The following FHIT variants were observed in gnomAD, a reference collection of about 807,000 sequenced individuals.
FHIT encodes the protein fragile histidine triad diadenosine triphosphatase.
Under a neutral mutation model 17.9 loss-of-function variants are expected in FHIT, and 19 were observed. The ratio of observed to expected loss-of-function variants is 1.06; its 90% CI spans 0.74 to 1.56. The LOEUF is 1.56. Among genes scored for constraint, FHIT ranks in the 40% most tolerant of loss-of-function variants. The probability of loss-of-function intolerance (pLI) is 0.00; values close to 1 mark genes in which losing one functional copy is unlikely to be tolerated. For missense variants in FHIT, 248 were observed against 189.2 expected, an observed-to-expected ratio of 1.31 and a Z score of -1.82; for synonymous variants, 81 against 69.7, an observed-to-expected ratio of 1.16 and a Z score of -0.81.
intron 5 of FHIT, among the ~76,000 whole-genome samples, chr3:60,350,648 A>T (rs1711038873): frequency 6.6e-6 from 1 of 152,086 alleles, no homozygotes; most frequent in Non-Finnish European, 1.5e-5. Flanking sequence ...TTCCACCAAC[A>T]GTGCTACTTA....
At chr3:60,196,633 AC>A (rs1702652363) in intron 5 of FHIT, among the ~76,000 whole-genome samples, 1 of 152,078 alleles carries the variant, frequency 6.6e-6, no homozygotes, top group Non-Finnish European at 1.5e-5. Context: ...TAGGGACCAC[AC>A]ACCCGCCCTA....
intron 5 of FHIT, among the ~76,000 whole-genome samples, chr3:60,439,891 T>C (rs1350994473): frequency 6.6e-6 from 1 of 152,074 alleles, no homozygotes; most frequent in Non-Finnish European, 1.5e-5. Context: ...GAGATGCACA[T>C]GCCAGTCTAA....
intron 3 of FHIT, among the ~76,000 whole-genome samples, chr3:60,996,519 A>G (rs916335894): frequency 3.3e-5 from 5 of 152,164 alleles, no homozygotes; most frequent in African/African-American, 1.2e-4. Flanking sequence ...TATTGCTTCT[A>G]TTTGATTGTT....
chr3:60,824,704 C>G (rs1177926199), intron 3 of FHIT, among the ~76,000 whole-genome samples: 1 of 152,054 alleles, frequency 6.6e-6, no homozygotes, highest in Non-Finnish European at 1.5e-5. Flanking sequence ...GGGGGTGGGT[C>G]TCTCCCATGC....
intron 5 of FHIT, among the ~76,000 whole-genome samples, chr3:60,261,217 T>C (rs1436787646): frequency 6.6e-6 from 1 of 152,116 alleles, no homozygotes; most frequent in Non-Finnish European, 1.5e-5. Context: ...CTCTTTGGAC[T>C]CACTCTGAAT....
In FHIT at chr3:60,982,545, G is replaced by A. The variant is rs906339740; in HGVS notation, c.-111+59502C>T. Among the ~76,000 whole-genome samples the A allele has an allele frequency of 2.0e-5, 3 of 151,976 alleles. No homozygotes were observed. In the East Asian group the frequency reaches 5.8e-4, roughly 29 times the overall value. On this transcript the variant is annotated intron_variant, in intron 3 of 9. Transcript: ENST00000492590. The stretch of plus-strand genomic sequence containing the variant: ...TTCGAACACATCTTTTCCACTTCAG[G>A]GCCTTCCATTTGTTGTCCTTTCTGC...
Position 61,213,437 on chromosome 3 carries a change from A to C in FHIT, c.-212-12772T>G, listed in dbSNP as rs1201328638. ...CCATTACGTAATGGTAAAGGGATCA[A>C]TTCAACAAGTAGAGCTAACTATCCT... On this transcript the variant is annotated intron_variant, in intron 1 of 9. Transcript: ENST00000492590. Among the ~76,000 whole-genome samples, 3 of 152,254 alleles carry C rather than the reference A, an allele frequency of 2.0e-5. No individual in the cohort carries two copies. The East Asian group carries it at 5.8e-4, about 29-fold the overall frequency.
chr3:59,948,480 G>A (rs1184630974), intron 7 of FHIT, among the ~76,000 whole-genome samples: 23 of 151,538 alleles, frequency 1.5e-4, no homozygotes, highest in Admixed American at 1.4e-3. Flanking sequence ...TCATGCCACT[G>A]CACTCCAGCC....
At chr3:61,246,155 C>T (rs566770366) in intron 1 of FHIT, among the ~76,000 whole-genome samples, 3 of 152,264 alleles carry the variant, frequency 2.0e-5, no homozygotes, top group East Asian at 1.9e-4. Flanking sequence ...AGAGGAGTCA[C>T]GAATAATCCA....
At chr3:60,951,225 A>G (rs1485983946) in intron 3 of FHIT, among the ~76,000 whole-genome samples, 5 of 152,238 alleles carry the variant, frequency 3.3e-5, no homozygotes, top group Admixed American at 3.3e-4. Flanking sequence ...AGAAATCTAG[A>G]GGCTGTGAGT....
At chr3:61,157,144 TAAAGA>T (rs1257667990) in intron 2 of FHIT, among the ~76,000 whole-genome samples, 2 of 152,136 alleles carry the variant, frequency 1.3e-5, no homozygotes, top group Admixed American at 6.6e-5. Flanking sequence ...TATATTCCTT[TAAAGA>T]AAAGAAGTGA....
At chr3:61,186,753 G>A (rs2038526554) in intron 2 of FHIT, among the ~76,000 whole-genome samples, 1 of 152,114 alleles carries the variant, frequency 6.6e-6, no homozygotes, top group South Asian at 2.1e-4. Context: ...CATCGTTTTT[G>A]TCACTGTTTC....
At chr3:60,160,929 A>G (rs1285429707) in intron 5 of FHIT, among the ~76,000 whole-genome samples, 1 of 152,138 alleles carries the variant, frequency 6.6e-6, no homozygotes, top group Non-Finnish European at 1.5e-5. Flanking sequence ...TCATTAAGAA[A>G]TTTTTAACTT....
rs182294125 is a variant in FHIT, at chr3:60,768,842, C to T, written c.-18+53077G>A. On this transcript the variant is annotated intron_variant, in intron 4 of 9. Transcript: ENST00000492590. ...CCCCGCAAACTGCCTGATTAATATA[C>T]CAATCCTGAATCAAAGATACAGAAA... is the stretch of plus-strand genomic sequence containing the variant. Among the ~76,000 whole-genome samples, 548 of 152,322 alleles carry T rather than the reference C, an allele frequency of 3.6e-3. 7 individuals carry two copies. Among genetic ancestry groups the T allele is most frequent in the Admixed American group, 3.5e-3 (53 of 15,306 alleles).
Position 60,049,219 on chromosome 3 carries a change from T to C in FHIT, c.104-35067A>G, listed in dbSNP as rs77651981. Among the ~76,000 whole-genome samples, 1,457 of 152,354 alleles carry C rather than the reference T, an allele frequency of 9.6e-3. 22 individuals are homozygous for C. The highest frequency in any genetic ancestry group is 0.033 in the African/African-American group (1,391 of 41,578). ...TATTTCACTACAAATTATGTTCTTC[T>C]TCTATTTGTTTACATCATTATGCTT... On this transcript the variant is annotated intron_variant, in intron 5 of 9. Coordinates refer to ENST00000492590, the MANE Select transcript of FHIT (RefSeq NM_002012.4).
chr3:59,926,546 A>G (rs560276188), intron 7 of FHIT, among the ~76,000 whole-genome samples: 1 of 152,332 alleles, frequency 6.6e-6, no homozygotes, highest in East Asian at 1.9e-4. Context: ...AAGTTTGGGA[A>G]GAGAAGCAGG....
intron 3 of FHIT, among the ~76,000 whole-genome samples, chr3:61,004,127 T>C (rs565558183): frequency 6.6e-6 from 1 of 152,204 alleles, no homozygotes; most frequent in Admixed American, 6.5e-5. Context: ...CGGAGCCACA[T>C]GAATATTGTG....
At chr3:59,790,300 A>G (rs1362552193) in intron 8 of FHIT, among the ~76,000 whole-genome samples, 1 of 152,220 alleles carries the variant, frequency 6.6e-6, no homozygotes, top group African/African-American at 2.4e-5. Flanking sequence ...AGCATTTTGT[A>G]CTTAGCATAG....
chr3:60,710,786 G>A (rs1404406461), intron 4 of FHIT, among the ~76,000 whole-genome samples: 2 of 152,328 alleles, frequency 1.3e-5, no homozygotes, highest in African/African-American at 4.8e-5. Flanking sequence ...CAACTGGGTG[G>A]AGCCCATCAC....
Sources: gnomAD v4.1 joint callset for allele counts (sites outside exome capture counted in the v4.1 genomes callset) on GRCh38, gnomAD v4.1.1 for gene constraint, MANE v1.5 for transcripts, NCBI Gene and HGNC (gene_info 2026-07-23, HGNC 2026-07-21) for gene names.